Variants in INSC observed in about 807,000 individuals in gnomAD.
The protein encoded by INSC is INSC spindle orientation adaptor protein.
INSC carries 67 observed loss-of-function variants against 58.6 expected under a neutral mutation model. That is an observed-to-expected ratio of 1.14 (90% confidence interval 0.94 to 1.40). The LOEUF is 1.40. INSC is among the 40% of genes most tolerant of loss of function. INSC has a pLI of 0.00. For synonymous variants in INSC, 262 were observed against 276.1 expected (o/e 0.95, Z 0.51); for missense variants, 714 against 692.0 (o/e 1.03, Z -0.36).
At chr11:15,190,000 T>C (rs1306859735) in intron 5 of INSC, among the ~76,000 whole-genome samples, 1 of 152,240 alleles carries the variant, frequency 6.6e-6, no homozygotes. Flanking sequence ...CCTCTCTTCT[T>C]GGTCTTATGT....
chr11:15,158,860 G>GTTTTTTTTTTTTTTTTTTTTTTTTT lies in INSC; in HGVS notation c.56+9651_56+9652insTTTTTTTTTTTTTTTTTTTTTTTTT, dbSNP rs529518368. Among the ~76,000 whole-genome samples the GTTTTTTTTTTTTTTTTTTTTTTTTT allele has an allele frequency of 2.7e-5, 3 of 109,676 alleles. 1 individual carries two copies. The highest frequency in any genetic ancestry group is 5.3e-5 in the Non-Finnish European group (3 of 56,660). 72.0% of individuals were successfully genotyped at this position (109,676 alleles called of 152,430 possible). ...ATTATAACCAGATGAATTGTTGGTG[G>GTTTTTTTTTTTTTTTTTTTTTTTTT]TTTTTTTTTTTTTTTTTTTTTGCCT... is the stretch of plus-strand genomic sequence containing the variant. On this transcript the variant is annotated intron_variant, in intron 2 of 12. Coordinates refer to ENST00000379556, the MANE Select transcript of INSC (RefSeq NM_001042536.3).
At chr11:15,243,251 G>A (rs775359188) in intron 12 of INSC, among the ~76,000 whole-genome samples, 19 of 152,192 alleles carry the variant, frequency 1.2e-4, no homozygotes, top group African/African-American at 2.2e-4. Flanking sequence ...GGCAGATGGA[G>A]TTAGAAGCCA....
chr11:15,168,491 T>C (rs139718166), intron 2 of INSC, among the ~76,000 whole-genome samples: 9 of 152,268 alleles, frequency 5.9e-5, no homozygotes, highest in African/African-American at 1.9e-4. Context: ...TAAATTCCAG[T>C]CATTATTATA....
At chr11:15,223,722 C>T (rs1242624919) in intron 8 of INSC, among the ~76,000 whole-genome samples, 1 of 152,104 alleles carries the variant, frequency 6.6e-6, no homozygotes, top group Non-Finnish European at 1.5e-5. Context: ...AGGGAGGTGG[C>T]CTGGAAGGGG....
chr11:15,218,788 G>A (rs576236736), intron 7 of INSC, among the ~76,000 whole-genome samples: 7 of 152,056 alleles, frequency 4.6e-5, no homozygotes, highest in African/African-American at 1.7e-4. Flanking sequence ...ATCAATTTAA[G>A]TTCTCATGTT....
At chr11:15,146,039 G>A (rs1848483289) in intron 1 of INSC, among the ~76,000 whole-genome samples, 1 of 152,312 alleles carries the variant, frequency 6.6e-6, no homozygotes, top group South Asian at 2.1e-4. Flanking sequence ...AATTTAAGAG[G>A]TCTCATCTGT....
intron 5 of INSC, among the ~76,000 whole-genome samples, chr11:15,182,305 A>AT (rs985694008): frequency 3.3e-5 from 5 of 152,154 alleles, no homozygotes; most frequent in Admixed American, 6.5e-5. Context: ...TCTGTAGCCA[A>AT]TAAAAAAAAA....
intron 5 of INSC, among the ~76,000 whole-genome samples, chr11:15,183,116 G>A (rs1472455102): frequency 6.6e-6 from 1 of 152,062 alleles, no homozygotes; most frequent in African/African-American, 2.4e-5. Context: ...GGGAGGCCGA[G>A]GCAGGCAGAT....
chr11:15,266,553 T>C, the INSC span, among the ~76,000 whole-genome samples: 17 of 152,036 alleles, frequency 1.1e-4, no homozygotes, highest in Admixed American at 3.9e-4. Context: ...CCTTGGCTAC[T>C]ATAGCAGACT....
chr11:15,200,533 C>T (rs754766856), intron 6 of INSC, among the ~76,000 whole-genome samples: 26 of 152,060 alleles, frequency 1.7e-4, no homozygotes, highest in Admixed American at 2.6e-4. Flanking sequence ...TACTGATCGC[C>T]AGCCCTAGCA....
Position 15,246,083 on chromosome 11 carries a change from C to T in INSC, c.*43C>T. 6.2e-7 allele frequency: 1 copy of T among 1,611,078 alleles called. No individual in the cohort carries two copies. Among genetic ancestry groups the T allele is most frequent in the Non-Finnish European group, 8.5e-7 (1 of 1,177,770 alleles). ...ATACATTTGGCTGTTCTCACACCCCCTCTGACTATGCACCAGTGAACACAT... is the reference window on the plus strand; with the variant it reads ...ATACATTTGGCTGTTCTCACACCCCTTCTGACTATGCACCAGTGAACACAT... On this transcript the variant is annotated 3_prime_UTR_variant, in exon 13 of 13. Transcript: ENST00000379556.
chr11:15,244,699 A>T (rs912138648), intron 12 of INSC, among the ~76,000 whole-genome samples: 2 of 152,076 alleles, frequency 1.3e-5, no homozygotes, highest in African/African-American at 4.8e-5. Context: ...TTGCAGCATC[A>T]TGTAGGGATT....
intron 7 of INSC, among the ~76,000 whole-genome samples, chr11:15,219,613 CCAAGCATGTGTTGGGGATTAGGG>C (rs1399092424): frequency 2.6e-5 from 4 of 152,150 alleles, no homozygotes; most frequent in African/African-American, 9.7e-5. Context: ...TGGCCTATCT[CCAAGCATGTGTTGGGGATTAGGG>C]CAAGTTACTG....
intron 2 of INSC, among the ~76,000 whole-genome samples, chr11:15,170,467 C>G (rs149534464): frequency 3.9e-5 from 6 of 152,076 alleles, no homozygotes; most frequent in African/African-American, 1.4e-4. Context: ...GTTTGTCTGA[C>G]GCTTCCCTCA....
At chr11:15,222,397 T>C (rs1714334) in intron 8 of INSC, among the ~76,000 whole-genome samples, 111,666 of 152,060 alleles carry the variant, frequency 0.73, 41,785 homozygotes, top group East Asian at 0.97. Context: ...AATTTAATTT[T>C]ATCAGAAAAT....
intron 2 of INSC, among the ~76,000 whole-genome samples, chr11:15,170,150 C>T (rs1849346483): frequency 6.6e-6 from 1 of 152,046 alleles, no homozygotes; most frequent in African/African-American, 2.4e-5. Flanking sequence ...TTGTGTGTGA[C>T]ATTTTTATTA....
chr11:15,152,321 G>T (rs1848680307), intron 2 of INSC, among the ~76,000 whole-genome samples: 1 of 152,156 alleles, frequency 6.6e-6, no homozygotes, highest in Non-Finnish European at 1.5e-5. Context: ...TGGCCAAAAT[G>T]TCCAGGGCCT....
At chr11:15,230,707 C>T (rs998396701) in intron 9 of INSC, among the ~76,000 whole-genome samples, 1 of 152,240 alleles carries the variant, frequency 6.6e-6, no homozygotes, top group African/African-American at 2.4e-5. Context: ...TATGGTCTGA[C>T]TTTTATATGC....
intron 10 of INSC, among the ~76,000 whole-genome samples, chr11:15,238,182 A>G (rs907702318): frequency 6.6e-6 from 1 of 152,084 alleles, no homozygotes; most frequent in Non-Finnish European, 1.5e-5. Flanking sequence ...ATGAGCGGAC[A>G]TGGGTATGGT....
Sources: allele counts gnomAD v4.1 joint callset (sites outside exome capture counted in the v4.1 genomes callset), GRCh38; gene constraint gnomAD v4.1.1; transcripts MANE v1.5; gene names NCBI Gene and HGNC (gene_info 2026-07-23, HGNC 2026-07-21).